PLXNA4: variants seen among roughly 807,000 people sequenced by gnomAD.
The protein encoded by PLXNA4 is plexin A4.
Under a neutral mutation model 191.8 loss-of-function variants are expected in PLXNA4, and 44 were observed. The ratio of observed to expected loss-of-function variants is 0.23; its 90% CI spans 0.18 to 0.29. PLXNA4 has a LOEUF of 0.29. Among genes scored for constraint, PLXNA4 ranks in the 10% least tolerant of loss-of-function variants. The pLI is 1.00. For synonymous variants in PLXNA4, 1,082 were observed against 1,009.5 expected (o/e 1.07, Z -1.36); for missense variants, 1,800 against 2,488.8 (o/e 0.72, Z 5.89).
chr7:132,388,546 A>AG (rs533699365), intron 3 of PLXNA4, among the ~76,000 whole-genome samples: 19 of 152,286 alleles, frequency 1.2e-4, no homozygotes, highest in African/African-American at 4.1e-4. Context: ...AGAAAAAAAA[A>AG]GGTCTCCTTA....
intron 4 of PLXNA4, among the ~76,000 whole-genome samples, chr7:132,292,438 G>C (rs138122325): frequency 2.0e-4 from 31 of 152,282 alleles, no homozygotes; most frequent in Middle Eastern, 3.4e-3. Context: ...AGAGCTTGCC[G>C]GGTTGCTGAC....
At position 132,159,600 on chromosome 7, in the gene PLXNA4, G is replaced by A. The variant is rs1318730704; in HGVS notation, c.4533C>T (p.Asn1511=). The change falls in exon 25 of 32, where the codon AAC becomes AAT. Residue 1511 remains asparagine (N), a synonymous_variant. Coordinates refer to ENST00000321063, the MANE Select transcript of PLXNA4 (RefSeq NM_020911.2). ...GGATCTTTACTGGGACCTCGGGGCT[G>A]TTGGCATTGTCTGGGCTGACACAGC... ...VLSCVSPDNA[N]SPEVPVKILN... The A allele has an allele frequency of 1.2e-6, 2 of 1,614,106 alleles. No individual in the cohort carries two copies. Among genetic ancestry groups the A allele is most frequent in the Non-Finnish European group, 1.7e-6 (2 of 1,180,026 alleles).
chr7:132,600,346 A>C (rs183168337), intron 2 of PLXNA4, among the ~76,000 whole-genome samples: 6 of 152,120 alleles, frequency 3.9e-5, no homozygotes, highest in Non-Finnish European at 8.8e-5. Flanking sequence ...TTTTTGGTCT[A>C]ATTATGATCT....
chr7:132,498,046 C>G (rs186392210), intron 2 of PLXNA4, among the ~76,000 whole-genome samples: 9 of 152,230 alleles, frequency 5.9e-5, no homozygotes, highest in Admixed American at 5.2e-4. Flanking sequence ...TCCCCTGATC[C>G]TTGGCTTCAC....
intron 2 of PLXNA4, among the ~76,000 whole-genome samples, chr7:132,584,588 G>T (rs1254020302): frequency 6.6e-6 from 1 of 152,136 alleles, no homozygotes. Context: ...TATGTATGCT[G>T]CTCTGAAAAA....
intron 2 of PLXNA4, among the ~76,000 whole-genome samples, chr7:132,630,140 T>A (rs575255379): frequency 5.3e-4 from 81 of 152,104 alleles, no homozygotes; most frequent in African/African-American, 1.7e-3. Context: ...ATGAGCCACC[T>A]CACCCGGCCT....
At chr7:132,347,654 G>A (rs1803299307) in intron 3 of PLXNA4, among the ~76,000 whole-genome samples, 1 of 152,158 alleles carries the variant, frequency 6.6e-6, no homozygotes, top group Admixed American at 6.5e-5. Context: ...GTCACAGAGG[G>A]GGACAAGCAG....
intron 3 of PLXNA4, among the ~76,000 whole-genome samples, chr7:132,439,504 G>A (rs377201750): frequency 6.4e-5 from 5 of 78,586 alleles, no homozygotes; most frequent in Admixed American, 1.2e-4. Flanking sequence ...ATATACATAC[G>A]CATACACACA....
chr7:132,399,120 T>G (rs1793877475), intron 3 of PLXNA4, among the ~76,000 whole-genome samples: 1 of 152,194 alleles, frequency 6.6e-6, no homozygotes, highest in Non-Finnish European at 1.5e-5. Context: ...AGAATTTCCC[T>G]CAGTCACGTC....
At chr7:132,615,250 T>C (rs1175836115) in intron 2 of PLXNA4, among the ~76,000 whole-genome samples, 1 of 152,012 alleles carries the variant, frequency 6.6e-6, no homozygotes, top group Non-Finnish European at 1.5e-5. Context: ...TTTGAGCCTG[T>C]GGCTGGGAAA....
chr7:132,264,265 C>G (rs1051996833), intron 4 of PLXNA4: 2 of 152,234 alleles, frequency 1.3e-5, no homozygotes, highest in Non-Finnish European at 2.9e-5. Context: ...AGAACCCTCT[C>G]CCCTGGAGTT....
At chr7:132,362,917 A>G (rs981396123) in intron 3 of PLXNA4, among the ~76,000 whole-genome samples, 4 of 152,258 alleles carry the variant, frequency 2.6e-5, no homozygotes, top group Non-Finnish European at 5.9e-5. Context: ...TTTTAAGTGT[A>G]AAGTTCAGTG....
chr7:132,230,072 C>T (rs902525089), intron 5 of PLXNA4, among the ~76,000 whole-genome samples: 2 of 152,026 alleles, frequency 1.3e-5, no homozygotes, highest in African/African-American at 2.4e-5. Context: ...ATGTGCAATG[C>T]GAAAGTAAAA....
At chr7:132,562,367 G>A (rs1420920125) in intron 1 of PLXNA4, among the ~76,000 whole-genome samples, 1 of 66,702 alleles carries the variant, frequency 1.5e-5, no homozygotes, top group Non-Finnish European at 2.4e-5. Context: ...CTCCTCCTCT[G>A]CCTCCTCCTC....
At chr7:132,623,188 A>G (rs1234858760) in intron 2 of PLXNA4, among the ~76,000 whole-genome samples, 2 of 152,030 alleles carry the variant, frequency 1.3e-5, no homozygotes, top group Non-Finnish European at 2.9e-5. Flanking sequence ...TTTTGTAAAA[A>G]TACAAAAATT....
chr7:132,502,891 C>G (rs1407074202), intron 2 of PLXNA4, among the ~76,000 whole-genome samples: 1 of 152,152 alleles, frequency 6.6e-6, no homozygotes, highest in Admixed American at 6.5e-5. Context: ...GCCCTCTGCT[C>G]CCACTACTGG....
At chr7:132,599,716 G>T (rs551389136) in intron 2 of PLXNA4, among the ~76,000 whole-genome samples, 1 of 151,006 alleles carries the variant, frequency 6.6e-6, no homozygotes, top group African/African-American at 2.4e-5. Flanking sequence ...GTCAAACACA[G>T]CTATATTGTC....
At position 132,318,637 on chromosome 7, in the gene PLXNA4, C is replaced by G. The variant is rs1454122998; in HGVS notation, c.1372-20415G>C. The stretch of plus-strand genomic sequence containing the variant: ...AGGGAAGAGGAAGTCTTTTCAGAGC[C>G]TCTGGTGATCATCACGCACTTTGCT... On this transcript the variant is annotated intron_variant, in intron 3 of 31. Coordinates refer to ENST00000321063, the MANE Select transcript of PLXNA4 (RefSeq NM_020911.2). Among the ~76,000 whole-genome samples, 4 of 149,464 alleles carry G rather than the reference C, an allele frequency of 2.7e-5. No homozygotes were observed. In the East Asian group the frequency reaches 7.8e-4, roughly 29 times the overall value.
At chr7:132,505,824 G>A (rs183640692) in intron 2 of PLXNA4, among the ~76,000 whole-genome samples, 12 of 152,214 alleles carry the variant, frequency 7.9e-5, no homozygotes, top group Middle Eastern at 3.4e-3. Context: ...AGCTGCCTTC[G>A]TTTGGAAGCA....
Sources: gnomAD v4.1 joint callset for allele counts (sites outside exome capture counted in the v4.1 genomes callset) on GRCh38, gnomAD v4.1.1 for gene constraint, MANE v1.5 for transcripts, NCBI Gene and HGNC (gene_info 2026-07-23, HGNC 2026-07-21) for gene names.